Variants in GABRB1 observed in about 807,000 individuals in gnomAD.
GABRB1 encodes gamma-aminobutyric acid type A receptor subunit beta1.
A neutral mutation model predicts 51.6 loss-of-function variants in GABRB1; 17 were observed. The observed-to-expected ratio is 0.33, with a 90% CI of 0.23 to 0.49. The LOEUF (loss-of-function observed/expected upper bound fraction) is 0.49. Ranked by LOEUF, GABRB1 falls within the 20% of genes least tolerant of loss-of-function variation. The pLI, the probability that GABRB1 is intolerant of heterozygous loss-of-function variation, is 0.99. For synonymous variants in GABRB1, 247 were observed against 218.9 expected, an observed-to-expected ratio of 1.13 and a Z score of -1.14; for missense variants, 410 against 600.6, an observed-to-expected ratio of 0.68 and a Z score of 3.32.
intron 4 of GABRB1, among the ~76,000 whole-genome samples, chr4:47,184,456 A>G (rs1719085011): frequency 6.6e-6 from 1 of 151,974 alleles, no homozygotes. Flanking sequence ...CCAAAAAACA[A>G]TAAAACTTTG....
intron 5 of GABRB1, among the ~76,000 whole-genome samples, chr4:47,367,712 G>A (rs1040795504): frequency 3.9e-5 from 6 of 152,096 alleles, no homozygotes; most frequent in African/African-American, 1.2e-4. Context: ...CTGTATATTA[G>A]GTGGGACACA....
In GABRB1 at chr4:47,026,027, C is replaced by A. The variant is rs113592313; in HGVS notation, c.-19-5887C>A. ...CTATTGAGGTGTCTTCCCTGATATT[C>A]CAAGGCAAGAAAAAATGTTTTTGCT... On this transcript the variant is annotated intron_variant, in intron 1 of 3. Coordinates refer to the GABRB1 transcript ENST00000513567. 9.0e-3 allele frequency among the ~76,000 whole-genome samples: 1,373 copies of A among 152,068 alleles called. 28 individuals are homozygous for A. Among genetic ancestry groups the A allele is most frequent in the African/African-American group, 0.03 (1,259 of 41,506 alleles).
chr4:47,025,502 A>G (rs1027685754), intron 1 of GABRB1, among the ~76,000 whole-genome samples: 1 of 151,604 alleles, frequency 6.6e-6, no homozygotes, highest in Non-Finnish European at 1.5e-5. Context: ...ATAAACTTGA[A>G]TTTTTTTTCC....
chr4:47,358,332 C>T (rs977006786), intron 5 of GABRB1, among the ~76,000 whole-genome samples: 9 of 149,374 alleles, frequency 6.0e-5, no homozygotes, highest in Admixed American at 5.3e-4. Context: ...TATATACATG[C>T]TATATATATG....
At chr4:47,290,811 A>T (rs904040200) in intron 4 of GABRB1, among the ~76,000 whole-genome samples, 5 of 152,156 alleles carry the variant, frequency 3.3e-5, no homozygotes, top group Non-Finnish European at 5.9e-5. Flanking sequence ...CTGGTGGAAG[A>T]AATCTCCAAG....
chr4:47,176,078 T>C (rs1718683699), intron 4 of GABRB1, among the ~76,000 whole-genome samples: 1 of 152,116 alleles, frequency 6.6e-6, no homozygotes, highest in South Asian at 2.1e-4. Context: ...AAAATACCAT[T>C]AGCAAAGGGA....
At chr4:47,340,542 A>C (rs1366741264) in intron 5 of GABRB1, among the ~76,000 whole-genome samples, 1 of 152,148 alleles carries the variant, frequency 6.6e-6, no homozygotes, top group Non-Finnish European at 1.5e-5. Context: ...CTTCCTGCAC[A>C]GACAGGCATC....
At chr4:47,126,854 A>T (rs1386603451) in intron 3 of GABRB1, among the ~76,000 whole-genome samples, 1 of 152,068 alleles carries the variant, frequency 6.6e-6, no homozygotes, top group African/African-American at 2.4e-5. Context: ...TTGCAGGAAG[A>T]TTAGTAATGA....
At chr4:47,071,348 C>T (rs923663489) in intron 3 of GABRB1, among the ~76,000 whole-genome samples, 3 of 152,178 alleles carry the variant, frequency 2.0e-5, no homozygotes. Flanking sequence ...TCCTCCTTTG[C>T]TCCCACATGT....
chr4:47,409,512 A>G (rs113333975), intron 8 of GABRB1, among the ~76,000 whole-genome samples: 2,955 of 152,072 alleles, frequency 0.019, 111 homozygotes, highest in African/African-American at 0.068. Flanking sequence ...CTCCTTCTCT[A>G]TTATGCCACT....
chr4:47,310,247 TA>T (rs1724622482), intron 4 of GABRB1, among the ~76,000 whole-genome samples: 1 of 152,190 alleles, frequency 6.6e-6, no homozygotes, highest in South Asian at 2.1e-4. Flanking sequence ...ACACCTTACC[TA>T]TTTTATAAAA....
rs983980686 is a variant in GABRB1 at position 47,181,217 on chromosome 4, C to A, written c.461+19748C>A. Among the ~76,000 whole-genome samples, 194 of 151,966 alleles carry A rather than the reference C, an allele frequency of 1.3e-3. 4 individuals are homozygous for A. The highest frequency in any genetic ancestry group is 1.6e-3 in the Admixed American group (24 of 15,208). ...TGTTTCTTAATATTTCTAATAATAT[C>A]TTTTCCTTTTTTGAACGGAATCCTA... On this transcript the variant is annotated intron_variant, in intron 4 of 8. Coordinates refer to ENST00000295454, the MANE Select transcript of GABRB1 (RefSeq NM_000812.4).
intron 5 of GABRB1, among the ~76,000 whole-genome samples, chr4:47,332,932 A>G (rs1478163030): frequency 3.3e-5 from 5 of 151,568 alleles, no homozygotes; most frequent in Non-Finnish European, 5.9e-5. Flanking sequence ...AGAAGGCTCC[A>G]TTTTTTCTCT....
chr4:47,213,273 A>G (rs1560587924), intron 4 of GABRB1, among the ~76,000 whole-genome samples: 1 of 152,154 alleles, frequency 6.6e-6, no homozygotes, highest in Non-Finnish European at 1.5e-5. Flanking sequence ...ACAAGCTGCT[A>G]TTGCTCCAGC....
At chr4:47,214,812 C>T (rs1264777519) in intron 4 of GABRB1, among the ~76,000 whole-genome samples, 9 of 152,162 alleles carry the variant, frequency 5.9e-5, no homozygotes, top group East Asian at 3.9e-4. Flanking sequence ...ACAAGGCTAA[C>T]GAATGTTGTG....
intron 4 of GABRB1, among the ~76,000 whole-genome samples, chr4:47,316,816 A>G (rs1247080500): frequency 1.3e-5 from 2 of 151,934 alleles, no homozygotes; most frequent in South Asian, 4.1e-4. Flanking sequence ...TTTAGAAGCA[A>G]GTACTTCACT....
At chr4:47,389,916 T>C (rs1465678626) in intron 5 of GABRB1, among the ~76,000 whole-genome samples, 1 of 152,206 alleles carries the variant, frequency 6.6e-6, no homozygotes, top group African/African-American at 2.4e-5. Flanking sequence ...CAGTAGGTTA[T>C]TTTCTAACAA....
At chr4:47,390,626 G>T (rs1012947326) in intron 5 of GABRB1, among the ~76,000 whole-genome samples, 1 of 152,156 alleles carries the variant, frequency 6.6e-6, no homozygotes, top group Non-Finnish European at 1.5e-5. Context: ...AAGAGTTCCT[G>T]TATAGTTATT....
Position 47,425,746 on chromosome 4 carries a change from A to C in GABRB1, c.1153A>C (p.Thr385Pro), listed in dbSNP as rs779405490. ...RNETSGSEVLTSVSDPKATMY... is the reference protein window; with the variant it reads ...RNETSGSEVLPSVSDPKATMY... The stretch of plus-strand genomic sequence containing the variant: ...TGAGACGAGTGGCTCGGAAGTGCTC[A>C]CGAGCGTGAGCGACCCCAAGGCCAC... Residue 385 changes from threonine (T) to proline (P), a missense_variant, in exon 9 of 9, where the codon ACG (threonine) becomes CCG (proline). Transcript: ENST00000295454. 9.3e-6 allele frequency: 15 copies of C among 1,614,046 alleles called. No homozygotes were observed. The highest frequency in any genetic ancestry group is 1.1e-5 in the Non-Finnish European group (13 of 1,180,014).
Sources: gnomAD v4.1 joint callset for allele counts (sites outside exome capture counted in the v4.1 genomes callset) on GRCh38, gnomAD v4.1.1 for gene constraint, MANE v1.5 for transcripts, NCBI Gene and HGNC (gene_info 2026-07-23, HGNC 2026-07-21) for gene names.